CYBRD1: variants seen among roughly 807,000 people sequenced by gnomAD.
The protein encoded by CYBRD1 is plasma membrane ascorbate-dependent reductase CYBRD1.
In CYBRD1, 14 loss-of-function variants were observed where a neutral mutation model predicts 21.9. That is an observed-to-expected ratio of 0.64 (90% CI 0.42 to 1.00). The LOEUF (loss-of-function observed/expected upper bound fraction) is 1.00, where lower values mean the gene tolerates loss of function less well. CYBRD1 is among the 50% of genes least tolerant of loss of function. The pLI is 0.00. For synonymous variants in CYBRD1, 146 were observed against 136.5 expected (o/e 1.07, Z -0.48); for missense variants, 328 against 352.5 (o/e 0.93, Z 0.56).
rs1369635855 is a variant in CYBRD1, at chr2:171,535,112, A to T, written c.194-6473A>T. 1.3e-5 allele frequency among the ~76,000 whole-genome samples: 2 copies of T among 152,212 alleles called. 1 individual carries two copies. The highest frequency in any genetic ancestry group is 6.3e-3 in the Middle Eastern group (2 of 316). On this transcript the variant is annotated intron_variant, in intron 1 of 3. Transcript: ENST00000321348. The stretch of plus-strand genomic sequence containing the variant: ...AACTTAGAGCTGGTGGGAACCAAGG[A>T]TGAGACAAAGTGATGGAGGAGAGAG...
intron 2 of CYBRD1, among the ~76,000 whole-genome samples, chr2:171,545,384 G>GTT (rs898353901): frequency 2.9e-5 from 1 of 34,856 alleles, no homozygotes; most frequent in Non-Finnish European, 4.8e-5. Flanking sequence ...TACCTTTTTT[G>GTT]TTTTTTTTTT....
At chr2:171,541,269 A>T in intron 1 of CYBRD1, 1 of 412,518 alleles carries the variant, frequency 2.4e-6, no homozygotes, top group East Asian at 5.2e-5. Context: ...TGCCATGGAG[A>T]CAGCATTTCA....
chr2:171,554,592 T>G lies in CYBRD1; in HGVS notation c.626T>G (p.Leu209Arg). 1 of 1,613,976 alleles carries G rather than the reference T, an allele frequency of 6.2e-7. No homozygotes were observed. Among genetic ancestry groups the G allele is most frequent in the Non-Finnish European group, 8.5e-7 (1 of 1,179,920 alleles). Residue 209 changes from leucine to arginine, a missense_variant, in exon 4 of 4, where the codon CTG becomes CGG. By Grantham distance (102) the Leu-to-Arg change is moderately radical. Transcript: ENST00000321348. ...GTAAATACGCTTGGCCTTCTGATCC[T>G]GGTGTTCGGGGCCCTCATTTTTTGG... ...VFVNTLGLLILVFGALIFWIV... is the reference protein window; with the variant it reads ...VFVNTLGLLIRVFGALIFWIV...
intron 2 of CYBRD1, among the ~76,000 whole-genome samples, chr2:171,544,984 T>TA (rs369770647): frequency 3.8e-4 from 57 of 151,592 alleles, no homozygotes; most frequent in African/African-American, 1.2e-3. Flanking sequence ...ACAAAAGATA[T>TA]AAAAATAAGC....
At chr2:171,539,091 T>C (rs1697590421) in intron 1 of CYBRD1, among the ~76,000 whole-genome samples, 1 of 152,140 alleles carries the variant, frequency 6.6e-6, no homozygotes, top group Admixed American at 6.5e-5. Context: ...AGTGGCTCAC[T>C]GAGCGCAGTG....
At chr2:171,541,887 C>CTCTGTCTCAAAAA in intron 2 of CYBRD1, 94 bp downstream of exon 2, 1 of 1,013,400 alleles carries the variant, frequency 9.9e-7, no homozygotes, top group Non-Finnish European at 1.4e-6. Context: ...TTTTTTGAGA[C>CTCTGTCTCAAAAA]AGAGTCTCGC....
In CYBRD1 at chr2:171,541,582, T is replaced by C. The variant is rs546264873; in HGVS notation, c.194-3T>C. The C allele has an allele frequency of 3.1e-6, 5 of 1,613,658 alleles. No homozygotes were observed. The African/African-American group carries it at 6.7e-5, about 22-fold the overall frequency. On this transcript the variant is annotated splice_polypyrimidine_tract_variant and splice_region_variant and intron_variant, in intron 1 of 3. Coordinates refer to ENST00000321348, the MANE Select transcript of CYBRD1 (RefSeq NM_024843.4). ...CATTCTGTGTCCTTTCGTCTTTCCC[T>C]AGCCATCATCGTCTACAGACTGCCG...
intron 2 of CYBRD1, among the ~76,000 whole-genome samples, chr2:171,551,726 T>C (rs1683378313): frequency 1.3e-5 from 2 of 152,174 alleles, no homozygotes; most frequent in African/African-American, 2.4e-5. Flanking sequence ...CTTTGTAGAG[T>C]TGTTGTCTCC....
At chr2:171,524,011 G>A (rs1273896682) in intron 1 of CYBRD1, among the ~76,000 whole-genome samples, 1 of 152,230 alleles carries the variant, frequency 6.6e-6, no homozygotes, top group Non-Finnish European at 1.5e-5. Context: ...ACAAACGAGT[G>A]TGCAAAAGAG....
intron 2 of CYBRD1, among the ~76,000 whole-genome samples, chr2:171,548,733 A>G (rs1340822338): frequency 6.6e-6 from 1 of 150,922 alleles, no homozygotes. Flanking sequence ...GTCTTTTGCA[A>G]TAAGAGCTTT....
At chr2:171,527,708 T>G (rs1273542327) in intron 1 of CYBRD1, among the ~76,000 whole-genome samples, 1 of 152,182 alleles carries the variant, frequency 6.6e-6, no homozygotes, top group African/African-American at 2.4e-5. Flanking sequence ...TCTGCATCAT[T>G]AAGTTTCTCC....
At chr2:171,548,578 A>G (rs1490155447) in intron 2 of CYBRD1, among the ~76,000 whole-genome samples, 2 of 147,980 alleles carry the variant, frequency 1.4e-5, no homozygotes, top group African/African-American at 2.5e-5. Context: ...GATGAAGGAG[A>G]GCTGGGAGGA....
At chr2:171,523,182 G>T (rs1456214404) in intron 1 of CYBRD1, 8 of 356,324 alleles carry the variant, frequency 2.2e-5, no homozygotes, top group Non-Finnish European at 2.9e-5. Flanking sequence ...GCGCGATCGG[G>T]GGCGCGGAAA....
chr2:171,546,313 A>G lies in CYBRD1; in HGVS notation c.402+4520A>G, dbSNP rs1047698918. Among the ~76,000 whole-genome samples, 4 of 152,338 alleles carry G rather than the reference A, an allele frequency of 2.6e-5. No homozygotes were observed. In the East Asian group the frequency reaches 7.7e-4, roughly 29 times the overall value. ...GGATTATAATCCTTCACAAAATCATAAGAATCAAAGCCAAATAATGCATCT... is the reference window on the plus strand; with the variant it reads ...GGATTATAATCCTTCACAAAATCATGAGAATCAAAGCCAAATAATGCATCT... On this transcript the variant is annotated intron_variant, in intron 2 of 3. Coordinates refer to ENST00000321348, the MANE Select transcript of CYBRD1 (RefSeq NM_024843.4).
intron 2 of CYBRD1, among the ~76,000 whole-genome samples, chr2:171,548,725 C>T (rs1338205236): frequency 2.1e-5 from 3 of 142,220 alleles, no homozygotes; most frequent in African/African-American, 7.8e-5. Context: ...TCATTAATGT[C>T]TTTTGCAATA....
At chr2:171,549,494 G>T (rs941859554) in intron 2 of CYBRD1, among the ~76,000 whole-genome samples, 1 of 152,094 alleles carries the variant, frequency 6.6e-6, no homozygotes, top group African/African-American at 2.4e-5. Flanking sequence ...AAAAACCCTG[G>T]CTATTCTGGG....
rs117360848 is a variant in CYBRD1 at position 171,537,509 on chromosome 2, A to G, written c.194-4076A>G. On this transcript the variant is annotated intron_variant, in intron 1 of 3. Coordinates refer to ENST00000321348, the MANE Select transcript of CYBRD1 (RefSeq NM_024843.4). Reference sequence around the variant, plus strand: ...TAAACAATACTTATGGGTCACACATACACACAAGTAACCTAGTGAAATCTG... The same window carrying G: ...TAAACAATACTTATGGGTCACACATGCACACAAGTAACCTAGTGAAATCTG... Among the ~76,000 whole-genome samples, 1,366 of 152,324 alleles carry G rather than the reference A, an allele frequency of 9.0e-3. 20 individuals are homozygous for G. Among genetic ancestry groups the G allele is most frequent in the African/African-American group, 0.028 (1,147 of 41,570 alleles).
Position 171,544,968 on chromosome 2 carries a change from G to A in CYBRD1, c.402+3175G>A, listed in dbSNP as rs1420125159. On this transcript the variant is annotated intron_variant, in intron 2 of 3. Coordinates refer to ENST00000321348, the MANE Select transcript of CYBRD1 (RefSeq NM_024843.4). ...AGCCTGGGAAACATGGCAAAACCCC[G>A]TCTGTACAAAAGATATAAAAATAAG... Among the ~76,000 whole-genome samples, 15 of 151,824 alleles carry A rather than the reference G, an allele frequency of 9.9e-5. No homozygotes were observed. In the East Asian group the frequency reaches 2.5e-3, roughly 25 times the overall value.
At chr2:171,529,240 G>T (rs774687427) in intron 1 of CYBRD1, among the ~76,000 whole-genome samples, 1 of 151,914 alleles carries the variant, frequency 6.6e-6, no homozygotes, top group African/African-American at 2.4e-5. Context: ...ATTCAGACAC[G>T]AGAAACTGCT....
Sources: allele counts gnomAD v4.1 joint callset (sites outside exome capture counted in the v4.1 genomes callset), GRCh38; gene constraint gnomAD v4.1.1; transcripts MANE v1.5; gene names NCBI Gene and HGNC (gene_info 2026-07-23, HGNC 2026-07-21).